Variants in ICA1L observed in about 807,000 individuals in gnomAD.
ICA1L encodes the protein islet cell autoantigen 1 like.
Under a neutral mutation model 61.3 loss-of-function variants are expected in ICA1L, and 50 were observed. That is an observed-to-expected ratio of 0.82 (90% confidence interval 0.65 to 1.03). The LOEUF (loss-of-function observed/expected upper bound fraction) is 1.03, where lower values mean the gene tolerates loss of function less well. Ranked by LOEUF, ICA1L falls within the 50% of genes least tolerant of loss-of-function variation. The pLI is 0.00. For synonymous variants in ICA1L, 161 were observed against 191.3 expected, an observed-to-expected ratio of 0.84 and a Z score of 1.31; for missense variants, 508 against 556.7, an observed-to-expected ratio of 0.91 and a Z score of 0.88.
intron 1 of ICA1L, among the ~76,000 whole-genome samples, chr2:202,852,868 C>A (rs2105882439): frequency 6.7e-6 from 1 of 150,238 alleles, no homozygotes; most frequent in African/African-American, 2.4e-5. Context: ...TGCATATGAC[C>A]AATGGAACAG....
intron 1 of ICA1L, chr2:202,840,664 C>A: frequency 1.7e-6 from 1 of 591,604 alleles, no homozygotes. Context: ...GTTCCTGGTA[C>A]TCATGCAGCT....
intron 1 of ICA1L, among the ~76,000 whole-genome samples, chr2:202,862,037 C>A (rs1574388257): frequency 6.8e-6 from 1 of 147,756 alleles, no homozygotes. Context: ...ATTATTTTTC[C>A]CTAAGAGTAA....
chr2:202,848,976 G>A (rs949711630), intron 1 of ICA1L, among the ~76,000 whole-genome samples: 1 of 152,048 alleles, frequency 6.6e-6, no homozygotes, highest in African/African-American at 2.4e-5. Context: ...AGTGGGTACA[G>A]CCCACGGAGG....
chr2:202,796,078 A>G (rs186310571), intron 10 of ICA1L, among the ~76,000 whole-genome samples: 22 of 70,690 alleles, frequency 3.1e-4, no homozygotes, highest in African/African-American at 9.6e-4. Context: ...CCTTTGGGGG[A>G]AAAAAAAAAG....
chr2:202,838,382 G>T (rs1165214125), intron 1 of ICA1L, among the ~76,000 whole-genome samples: 1 of 152,140 alleles, frequency 6.6e-6, no homozygotes, highest in Non-Finnish European at 1.5e-5. Context: ...GTGTTCTTGA[G>T]AAGAATTTGT....
At chr2:202,866,228 G>A (rs1176143782) in intron 1 of ICA1L, among the ~76,000 whole-genome samples, 1 of 152,116 alleles carries the variant, frequency 6.6e-6, no homozygotes, top group Non-Finnish European at 1.5e-5. Flanking sequence ...TGAATGGCTT[G>A]GTGATGAGTG....
intron 9 of ICA1L, among the ~76,000 whole-genome samples, chr2:202,797,902 C>T (rs1692978086): frequency 6.6e-6 from 1 of 152,160 alleles, no homozygotes. Flanking sequence ...CTTACTCCTC[C>T]CGGTCTAGTT....
chr2:202,824,049 C>T lies in ICA1L; in HGVS notation c.235+1646G>A, dbSNP rs200723631. ...TGATTCATTGAAATCAAATATTTATCGAGTACTGACTACATGCTAGACATT... is the reference window on the plus strand; with the variant it reads ...TGATTCATTGAAATCAAATATTTATTGAGTACTGACTACATGCTAGACATT... On this transcript the variant is annotated intron_variant, in intron 3 of 12. Coordinates refer to ENST00000358299, the MANE Select transcript of ICA1L (RefSeq NM_001288622.3). Among the ~76,000 whole-genome samples, 16 of 152,210 alleles carry T rather than the reference C, an allele frequency of 1.1e-4. No homozygotes were observed. The East Asian group carries it at 2.9e-3, about 28-fold the overall frequency.
intron 1 of ICA1L, among the ~76,000 whole-genome samples, chr2:202,837,298 G>GT (rs1694181193): frequency 6.8e-6 from 1 of 147,502 alleles, no homozygotes; most frequent in Non-Finnish European, 1.5e-5. Context: ...TTTTGTTTTT[G>GT]TTTTTTTGAG....
At chr2:202,798,598 C>T (rs144371982) in intron 9 of ICA1L, among the ~76,000 whole-genome samples, 60 of 152,168 alleles carry the variant, frequency 3.9e-4, no homozygotes, top group Non-Finnish European at 7.6e-4. Flanking sequence ...TGTGAAATTT[C>T]GCTATGTGTA....
chr2:202,815,872 G>T (rs762178886), intron 7 of ICA1L, 39 bp downstream of exon 7: 2 of 1,195,264 alleles, frequency 1.7e-6, no homozygotes, highest in Non-Finnish European at 1.2e-6. Context: ...CAAATGAAGA[G>T]TAATACATCT....
At chr2:202,867,548 A>T (rs1188521954) in intron 1 of ICA1L, among the ~76,000 whole-genome samples, 1 of 152,230 alleles carries the variant, frequency 6.6e-6, no homozygotes, top group African/African-American at 2.4e-5. Context: ...GACTATTATT[A>T]TATCTGTGGT....
At chr2:202,866,470 A>G (rs1043375946) in intron 1 of ICA1L, among the ~76,000 whole-genome samples, 2 of 152,214 alleles carry the variant, frequency 1.3e-5, no homozygotes, top group African/African-American at 4.8e-5. Flanking sequence ...ATTCCTTTAT[A>G]GTAACACAAA....
At chr2:202,867,047 T>G (rs1687538284) in intron 1 of ICA1L, among the ~76,000 whole-genome samples, 2 of 151,904 alleles carry the variant, frequency 1.3e-5, no homozygotes, top group Admixed American at 1.3e-4. Context: ...AGAAAAAAAA[T>G]CAAGAAGTTA....
chr2:202,836,838 T>TATATATAGATATATAG (rs1434970172), intron 1 of ICA1L, among the ~76,000 whole-genome samples: 3 of 150,230 alleles, frequency 2.0e-5, no homozygotes, highest in South Asian at 2.1e-4. Flanking sequence ...TAGATACAGA[T>TATATATAGATATATAG]ATATAGATAT....
chr2:202,790,456 A>G (rs931081737), intron 10 of ICA1L, among the ~76,000 whole-genome samples: 2 of 152,224 alleles, frequency 1.3e-5, no homozygotes, highest in Admixed American at 1.3e-4. Context: ...AACCAGTCCC[A>G]TCTTCCCGCT....
At chr2:202,857,514 T>C (rs1328954439) in intron 1 of ICA1L, among the ~76,000 whole-genome samples, 1 of 152,042 alleles carries the variant, frequency 6.6e-6, no homozygotes, top group Non-Finnish European at 1.5e-5. Context: ...CCTAAAACCA[T>C]AAAAACCCTA....
chr2:202,824,381 CAG>C (rs1693777718), intron 3 of ICA1L, among the ~76,000 whole-genome samples: 2 of 151,224 alleles, frequency 1.3e-5, no homozygotes, highest in East Asian at 1.9e-4. Context: ...GCCTGGGCGA[CAG>C]AGTGAGACTC....
chr2:202,820,095 C>T (rs1488246149), intron 4 of ICA1L, 196 bp from the exon 5 acceptor site: 7 of 561,412 alleles, frequency 1.2e-5, no homozygotes, highest in South Asian at 4.3e-5. Context: ...ATGTGTTGGC[C>T]GGGCGCGGTG....
Sources: gnomAD v4.1 joint callset for allele counts (sites outside exome capture counted in the v4.1 genomes callset) on GRCh38, gnomAD v4.1.1 for gene constraint, MANE v1.5 for transcripts, NCBI Gene and HGNC (gene_info 2026-07-23, HGNC 2026-07-21) for gene names.